SLC14A2: variants seen among roughly 807,000 people sequenced by gnomAD.
SLC14A2 encodes solute carrier family 14 member 2.
SLC14A2 carries 91 observed loss-of-function variants against 104.6 expected under a neutral mutation model. The observed-to-expected ratio is 0.87, with a 90% CI of 0.73 to 1.04. The LOEUF is 1.04. Among genes scored for constraint, SLC14A2 ranks in the 50% least tolerant of loss-of-function variants. SLC14A2 has a pLI of 0.00. For missense variants in SLC14A2, 1,189 were observed against 1,156.0 expected (o/e 1.03, Z -0.41); for synonymous variants, 476 against 466.4 (o/e 1.02, Z -0.27).
intron 1 of SLC14A2, among the ~76,000 whole-genome samples, chr18:45,320,393 C>T (rs1010468206): frequency 2.0e-5 from 3 of 152,308 alleles, no homozygotes; most frequent in African/African-American, 7.2e-5. Flanking sequence ...AGTCACAAAA[C>T]CCAAACTCGT....
intron 1 of SLC14A2, among the ~76,000 whole-genome samples, chr18:45,260,674 C>T (rs530893867): frequency 3.3e-5 from 5 of 152,200 alleles, no homozygotes; most frequent in African/African-American, 9.6e-5. Flanking sequence ...ATGGATGCAG[C>T]TGGAGGGCAT....
At chr18:45,362,464 G>A (rs1244298462) in intron 1 of SLC14A2, among the ~76,000 whole-genome samples, 1 of 152,180 alleles carries the variant, frequency 6.6e-6, no homozygotes, top group African/African-American at 2.4e-5. Flanking sequence ...GTGAGAGTCA[G>A]CAGGGCTATT....
intron 1 of SLC14A2, among the ~76,000 whole-genome samples, chr18:45,239,994 G>T (rs142170773): frequency 6.6e-6 from 1 of 150,980 alleles, no homozygotes; most frequent in Non-Finnish European, 1.5e-5. Flanking sequence ...TATCTATACC[G>T]CATTTTCTTT....
intron 1 of SLC14A2, among the ~76,000 whole-genome samples, chr18:45,389,296 C>G (rs1451694600): frequency 1.3e-5 from 2 of 152,188 alleles, no homozygotes; most frequent in Non-Finnish European, 2.9e-5. Flanking sequence ...GTTTGATGCT[C>G]TATAATTTCT....
chr18:45,349,523 G>A (rs951974229), intron 1 of SLC14A2, among the ~76,000 whole-genome samples: 19 of 152,258 alleles, frequency 1.2e-4, no homozygotes, highest in Admixed American at 3.9e-4. Flanking sequence ...CTAGGCAGTA[G>A]ACCAGCACAT....
intron 1 of SLC14A2, among the ~76,000 whole-genome samples, chr18:45,315,468 C>T (rs995255984): frequency 1.3e-5 from 2 of 152,098 alleles, no homozygotes; most frequent in African/African-American, 4.8e-5. Context: ...CCCTGTTTGG[C>T]CAGTGCTCAC....
At chr18:45,569,220 C>T (rs1160287165) in intron 2 of SLC14A2, among the ~76,000 whole-genome samples, 1 of 152,198 alleles carries the variant, frequency 6.6e-6, no homozygotes, top group Non-Finnish European at 1.5e-5. Flanking sequence ...TTCACCCATC[C>T]TTACCTCCAG....
chr18:45,189,639 G>C, the SLC14A2 span, among the ~76,000 whole-genome samples: 2 of 152,182 alleles, frequency 1.3e-5, no homozygotes, highest in African/African-American at 4.8e-5. Flanking sequence ...GCCTGACTTT[G>C]TACATCCATT....
At chr18:45,191,261 C>T in the SLC14A2 span, among the ~76,000 whole-genome samples, 2 of 152,126 alleles carry the variant, frequency 1.3e-5, no homozygotes, top group African/African-American at 4.8e-5. Flanking sequence ...AGCAATGCTG[C>T]CAGATCCACA....
upstream of SLC14A2, among the ~76,000 whole-genome samples, chr18:45,212,768 A>G (rs917517270): frequency 1.7e-4 from 26 of 152,274 alleles, 1 homozygote; most frequent in Admixed American, 7.8e-4. Context: ...GTCAAACTTA[A>G]AGACGTATAA....
At chr18:45,523,113 T>TC (rs1279568865) in intron 2 of SLC14A2, among the ~76,000 whole-genome samples, 11 of 152,274 alleles carry the variant, frequency 7.2e-5, no homozygotes, top group Non-Finnish European at 1.3e-4. Context: ...CTCCACTTTC[T>TC]CAGCTGGTGA....
chr18:45,269,185 A>C (rs987734741), intron 1 of SLC14A2, among the ~76,000 whole-genome samples: 1 of 152,036 alleles, frequency 6.6e-6, no homozygotes, highest in Admixed American at 6.6e-5. Flanking sequence ...GGCCCTCTTC[A>C]CTCAAAAGCA....
intron 2 of SLC14A2, among the ~76,000 whole-genome samples, chr18:45,502,429 G>A (rs2043212983): frequency 6.6e-6 from 1 of 152,214 alleles, no homozygotes; most frequent in Non-Finnish European, 1.5e-5. Flanking sequence ...TGCTGTAGGT[G>A]TTTGGTTGGA....
At chr18:45,490,762 T>C (rs1304441081) in intron 2 of SLC14A2, among the ~76,000 whole-genome samples, 1 of 152,128 alleles carries the variant, frequency 6.6e-6, no homozygotes, top group African/African-American at 2.4e-5. Context: ...GGGAGTCAGA[T>C]GGGGACAACA....
chr18:45,604,582 C>G (rs961821306), intron 2 of SLC14A2, among the ~76,000 whole-genome samples: 1 of 152,214 alleles, frequency 6.6e-6, no homozygotes, highest in Non-Finnish European at 1.5e-5. Context: ...TCTAGTGAAA[C>G]TCTGCACAGT....
intron 1 of SLC14A2, among the ~76,000 whole-genome samples, chr18:45,325,517 A>G (rs2085226219): frequency 6.6e-6 from 1 of 152,256 alleles, no homozygotes; most frequent in South Asian, 2.1e-4. Context: ...ATTACATTGC[A>G]GAATTTCTAA....
At chr18:45,379,287 C>T (rs1227906963) in intron 1 of SLC14A2, among the ~76,000 whole-genome samples, 1 of 152,198 alleles carries the variant, frequency 6.6e-6, no homozygotes, top group Admixed American at 6.5e-5. Context: ...AAGGCAATTC[C>T]TATATTGGGC....
chr18:45,244,732 T>C (rs2084351830), intron 1 of SLC14A2, among the ~76,000 whole-genome samples: 1 of 152,118 alleles, frequency 6.6e-6, no homozygotes, highest in Non-Finnish European at 1.5e-5. Context: ...TTATATGGCA[T>C]CCCGCTCTGA....
chr18:45,591,905 G>A (rs1382269545), intron 2 of SLC14A2, among the ~76,000 whole-genome samples: 3 of 152,222 alleles, frequency 2.0e-5, no homozygotes, highest in Non-Finnish European at 4.4e-5. Context: ...CAAGCTTCAA[G>A]TGCCAGGCAC....
Sources: allele counts gnomAD v4.1 joint callset (sites outside exome capture counted in the v4.1 genomes callset), GRCh38; gene constraint gnomAD v4.1.1; transcripts MANE v1.5; gene names NCBI Gene and HGNC (gene_info 2026-07-23, HGNC 2026-07-21).